The following BTBD16 variants were observed in gnomAD, a reference collection of about 807,000 sequenced individuals.
BTBD16 encodes the protein BTB domain containing 16.
A neutral mutation model predicts 67.4 loss-of-function variants in BTBD16; 66 were observed. The ratio of observed to expected loss-of-function variants is 0.98; its 90% CI spans 0.80 to 1.20. BTBD16 has a LOEUF of 1.20. Ranked by LOEUF, BTBD16 falls within the 50% of genes most tolerant of loss-of-function variation. The probability of loss-of-function intolerance (pLI) is 0.00; values close to 1 mark genes in which losing one functional copy is unlikely to be tolerated. For synonymous variants in BTBD16, 242 were observed against 236.4 expected (o/e 1.02, Z -0.22); for missense variants, 634 against 616.0 (o/e 1.03, Z -0.31).
intron 5 of BTBD16, among the ~76,000 whole-genome samples, chr10:122,288,677 G>A (rs898542275): frequency 5.9e-5 from 9 of 152,140 alleles, no homozygotes; most frequent in Non-Finnish European, 1.0e-4. Context: ...TAAATAGAAG[G>A]TCGTGGTCAA....
At chr10:122,323,016 A>G (rs1181768808) in intron 10 of BTBD16, among the ~76,000 whole-genome samples, 1 of 152,186 alleles carries the variant, frequency 6.6e-6, no homozygotes, top group Non-Finnish European at 1.5e-5. Context: ...CCAGTCCTCA[A>G]TCTTTCATTA....
At position 122,333,048 on chromosome 10, in the gene BTBD16, A is replaced by T. The variant is rs558780513; in HGVS notation, c.1164+535A>T. The T allele has an allele frequency of 1.6e-5, 12 of 748,218 alleles. No homozygotes were observed. The Admixed American group carries it at 6.9e-4, about 43-fold the overall frequency. 46.3% of individuals were successfully genotyped at this position (748,218 alleles called of 1,614,324 possible). ...ACCTTGGAGTTGGTAGCTGTGCTCC[A>T]TGCTGGGTTCCCTGTGATGGAAGCA... On this transcript the variant is annotated intron_variant, in intron 13 of 15. Coordinates refer to ENST00000260723, the MANE Select transcript of BTBD16 (RefSeq NM_144587.5).
At position 122,318,796 on chromosome 10, in the gene BTBD16, G is replaced by A. The variant is rs376370646; in HGVS notation, c.912-10684G>A. 2.0e-5 allele frequency among the ~76,000 whole-genome samples: 3 copies of A among 152,198 alleles called. No homozygotes were observed. The South Asian group carries it at 6.2e-4, about 32-fold the overall frequency. On this transcript the variant is annotated intron_variant, in intron 10 of 15. Coordinates refer to ENST00000260723, the MANE Select transcript of BTBD16 (RefSeq NM_144587.5). Reference sequence around the variant, plus strand: ...AGACAGGGTTTTGCCATGGTGGCCAGGCTGGTCTCAAACTCCTGACCTCAG... The same window carrying A: ...AGACAGGGTTTTGCCATGGTGGCCAAGCTGGTCTCAAACTCCTGACCTCAG...
Position 122,291,108 on chromosome 10 carries a change from C to G in BTBD16, c.504C>G (p.Tyr168Ter). The G allele has an allele frequency of 6.2e-7, 1 of 1,613,466 alleles. No homozygotes were observed. The highest frequency in any genetic ancestry group is 8.5e-7 in the Non-Finnish European group (1 of 1,179,774). The change falls in exon 7 of 16, where the codon TAC becomes TAG. Residue 168 changes from tyrosine to a stop codon, truncating the protein, a stop_gained. Transcript: ENST00000260723. LOFTEE classifies it high-confidence loss of function. ...TCGCCACGGCCCTGAAGAACCTCTA[C>G]ATGAGTGAGGTGGAGATTAACTTGG... ...VAFATALKNL[Y>*]MSEVEINLED...
At chr10:122,306,383 A>G (rs1311624992) in intron 9 of BTBD16, among the ~76,000 whole-genome samples, 3 of 152,216 alleles carry the variant, frequency 2.0e-5, no homozygotes, top group African/African-American at 7.2e-5. Context: ...ACAATTTGTT[A>G]TTGGAGCGAT....
At chr10:122,281,652 A>G (rs1448986720) in intron 3 of BTBD16, among the ~76,000 whole-genome samples, 1 of 152,196 alleles carries the variant, frequency 6.6e-6, no homozygotes, top group East Asian at 1.9e-4. Context: ...AACTGAAGGC[A>G]TGTCCTTGCA....
intron 3 of BTBD16, among the ~76,000 whole-genome samples, chr10:122,281,153 C>A (rs1424531490): frequency 2.0e-5 from 3 of 152,146 alleles, no homozygotes; most frequent in Non-Finnish European, 4.4e-5. Context: ...CATCATTGCT[C>A]TGAGATAATT....
chr10:122,295,784 CCTT>C (rs887860154), intron 7 of BTBD16, among the ~76,000 whole-genome samples: 21 of 152,276 alleles, frequency 1.4e-4, no homozygotes, highest in African/African-American at 4.8e-4. Context: ...CAAGACAACT[CCTT>C]CTAATGGGTA....
At chr10:122,317,990 T>G (rs969561668) in intron 10 of BTBD16, among the ~76,000 whole-genome samples, 1 of 152,246 alleles carries the variant, frequency 6.6e-6, no homozygotes, top group South Asian at 2.1e-4. Flanking sequence ...TATTATGTAC[T>G]GAATGTAATT....
In BTBD16 at chr10:122,308,645, C is replaced by T. The variant is rs537355257; in HGVS notation, c.911+1337C>T. ...CTGCTTGGCCCTCTCCTTTCTCCAG[C>T]GAGCTTTGGGTCAGACTGGGAGAAA... On this transcript the variant is annotated intron_variant, in intron 10 of 15. Coordinates refer to ENST00000260723, the MANE Select transcript of BTBD16 (RefSeq NM_144587.5). Among the ~76,000 whole-genome samples, 55 of 152,190 alleles carry T rather than the reference C, an allele frequency of 3.6e-4. No individual in the cohort carries two copies. In the South Asian group the frequency reaches 0.011, roughly 30 times the overall value.
intron 10 of BTBD16, among the ~76,000 whole-genome samples, chr10:122,322,531 A>G (rs1044809260): frequency 6.6e-6 from 1 of 151,950 alleles, no homozygotes; most frequent in Non-Finnish European, 1.5e-5. Flanking sequence ...AGTGTCCATA[A>G]GAACAAATAT....
At chr10:122,325,390 C>A (rs2096442677) in intron 10 of BTBD16, among the ~76,000 whole-genome samples, 1 of 152,154 alleles carries the variant, frequency 6.6e-6, no homozygotes, top group South Asian at 2.1e-4. Context: ...TAGAAGAAGT[C>A]AGCCCCGAGT....
At chr10:122,316,655 TA>T (rs375382802) in intron 10 of BTBD16, among the ~76,000 whole-genome samples, 109 of 150,988 alleles carry the variant, frequency 7.2e-4, no homozygotes, top group Middle Eastern at 3.4e-3. Context: ...ATGTAAAAGA[TA>T]AAAAAAAAGG....
At chr10:122,296,903 T>C (rs147091208) in intron 7 of BTBD16, among the ~76,000 whole-genome samples, 300 of 152,304 alleles carry the variant, frequency 2.0e-3, no homozygotes, top group Non-Finnish European at 3.3e-3. Context: ...GCCCTGACAT[T>C]CCTTCAAAGT....
chr10:122,289,069 C>G (rs545224099), intron 5 of BTBD16, among the ~76,000 whole-genome samples: 1 of 152,110 alleles, frequency 6.6e-6, no homozygotes, highest in East Asian at 1.9e-4. Context: ...CCTGGAAATC[C>G]TTGGTGGCAG....
chr10:122,338,033 C>G lies in BTBD16; in HGVS notation c.1469C>G (p.Thr490Ser). The G allele has an allele frequency of 6.2e-7, 1 of 1,612,296 alleles. No individual in the cohort carries two copies. Among genetic ancestry groups the G allele is most frequent in the Admixed American group, 1.7e-5 (1 of 59,966 alleles). ...SCKSHTLKIQ[T>S]VGIPIYVSFA... ...ATGTTTTAGACCTTGAAAATCCAAA[C>G]TGTGGGCATCCCAATCTATGTAAGT... Residue 490 changes from threonine (T) to serine (S), a missense_variant, in exon 16 of 16, where the codon ACT becomes AGT. Physicochemically the swap from Thr to Ser is moderately conservative, Grantham distance 58. Transcript: ENST00000260723.
chr10:122,296,951 T>C (rs1309149945), intron 7 of BTBD16, among the ~76,000 whole-genome samples: 1 of 152,252 alleles, frequency 6.6e-6, no homozygotes, highest in Non-Finnish European at 1.5e-5. Flanking sequence ...TTGCACATGC[T>C]GTTTCCGCTT....
rs1396197063 is a variant in BTBD16, at chr10:122,336,627, G to A, written c.1397G>A (p.Arg466Lys). 6.2e-6 allele frequency: 10 copies of A among 1,609,834 alleles called. No homozygotes were observed. Among genetic ancestry groups the A allele is most frequent in the Admixed American group, 1.7e-5 (1 of 58,248 alleles). Reference protein sequence around the residue: ...ALVDGKWQEFRTNQIKQKFGL... With the variant: ...ALVDGKWQEFKTNQIKQKFGL... The stretch of plus-strand genomic sequence containing the variant: ...GTTGACGGCAAGTGGCAGGAGTTCA[G>A]GACAAACCAGATCAAGCAGAAGTTT... The change falls in exon 15 of 16, where the codon AGG (arginine) becomes AAG (lysine). Residue 466 changes from arginine to lysine, a missense_variant. Transcript: ENST00000260723.
chr10:122,285,946 C>G, intron 4 of BTBD16, 159 bp from the exon 5 acceptor site: 1 of 250,976 alleles, frequency 4.0e-6, no homozygotes, highest in South Asian at 1.5e-4. Flanking sequence ...CCGAGGCCCA[C>G]ACTTCACTGC....
Sources: gnomAD v4.1 joint callset for allele counts (sites outside exome capture counted in the v4.1 genomes callset) on GRCh38, gnomAD v4.1.1 for gene constraint, MANE v1.5 for transcripts, NCBI Gene and HGNC (gene_info 2026-07-23, HGNC 2026-07-21) for gene names.